The following SYT14 variants were observed in gnomAD, a reference collection of about 807,000 sequenced individuals.
The protein encoded by SYT14 is synaptotagmin 14.
SYT14 carries 32 observed loss-of-function variants against 74.2 expected under a neutral mutation model. The observed-to-expected ratio is 0.43, with a 90% CI of 0.33 to 0.58. The LOEUF is 0.58. SYT14 is among the 20% of genes least tolerant of loss of function. The pLI is 0.05. For synonymous variants in SYT14, 298 were observed against 337.7 expected, an observed-to-expected ratio of 0.88 and a Z score of 1.29; for missense variants, 791 against 981.8, an observed-to-expected ratio of 0.81 and a Z score of 2.60.
intron 2 of SYT14, among the ~76,000 whole-genome samples, chr1:210,001,992 T>A (rs1221792244): frequency 6.6e-6 from 1 of 152,106 alleles, no homozygotes; most frequent in Non-Finnish European, 1.5e-5. Flanking sequence ...CTGATTTACA[T>A]TTTGAAGGGC....
intron 5 of SYT14, among the ~76,000 whole-genome samples, chr1:210,022,335 A>G (rs981421839): frequency 1.3e-5 from 2 of 152,260 alleles, no homozygotes; most frequent in Non-Finnish European, 2.9e-5. Context: ...CTGAATGATT[A>G]CTATATGGTC....
At chr1:210,009,608 T>G (rs1476745377) in intron 2 of SYT14, among the ~76,000 whole-genome samples, 1 of 152,132 alleles carries the variant, frequency 6.6e-6, no homozygotes, top group Non-Finnish European at 1.5e-5. Context: ...ATTTGCCAGC[T>G]TGGTATTATT....
chr1:210,149,563 T>C (rs1352713110), intron 7 of SYT14, among the ~76,000 whole-genome samples: 1 of 152,144 alleles, frequency 6.6e-6, no homozygotes, highest in African/African-American at 2.4e-5. Context: ...TTATTATGGT[T>C]ATTTATGTGA....
chr1:210,117,591 G>A (rs2082385220), intron 7 of SYT14, among the ~76,000 whole-genome samples: 1 of 152,094 alleles, frequency 6.6e-6, no homozygotes. Context: ...AAAACTTAAT[G>A]ATTATAGACC....
chr1:210,112,701 C>T (rs1463405483), intron 7 of SYT14, among the ~76,000 whole-genome samples: 1 of 151,290 alleles, frequency 6.6e-6, no homozygotes, highest in African/African-American at 2.5e-5. Context: ...CTCCAGCTTC[C>T]TTTGGAAGTA....
chr1:210,056,011 C>T (rs1163374626), intron 5 of SYT14, among the ~76,000 whole-genome samples: 3 of 152,032 alleles, frequency 2.0e-5, no homozygotes, highest in African/African-American at 7.2e-5. Context: ...TTGCCTAAGA[C>T]TAATCCTCAT....
At chr1:209,952,420 G>T (rs1163785774) in intron 1 of SYT14, among the ~76,000 whole-genome samples, 1 of 152,156 alleles carries the variant, frequency 6.6e-6, no homozygotes, top group Non-Finnish European at 1.5e-5. Context: ...GATGTGAAGA[G>T]ATGCTTGGGA....
intron 5 of SYT14, among the ~76,000 whole-genome samples, chr1:210,052,665 C>CAAAAAAAAAAAAAA (rs561069342): frequency 0.12 from 4,872 of 41,986 alleles, 974 homozygotes; most frequent in Non-Finnish European, 0.16. Flanking sequence ...TACATCTCAC[C>CAAAAAAAAAAAAAA]AAAAAAAAAA....
chr1:209,943,162 C>T (rs1043995784), intron 1 of SYT14, among the ~76,000 whole-genome samples: 7 of 152,026 alleles, frequency 4.6e-5, no homozygotes, highest in African/African-American at 1.2e-4. Flanking sequence ...CTTTTCTAAC[C>T]GACTACACAA....
intron 2 of SYT14, chr1:209,952,989 G>A (rs2078936042): frequency 7.1e-7 from 1 of 1,400,962 alleles, no homozygotes; most frequent in Non-Finnish European, 9.6e-7. Flanking sequence ...CTGGTTTCTA[G>A]CATATTGGTT....
chr1:210,129,232 G>C (rs2082627854), intron 7 of SYT14, among the ~76,000 whole-genome samples: 1 of 152,208 alleles, frequency 6.6e-6, no homozygotes, highest in Non-Finnish European at 1.5e-5. Flanking sequence ...AAGACCTAGA[G>C]AGTAGGCCTT....
chr1:210,009,856 C>G (rs116591624), intron 2 of SYT14, among the ~76,000 whole-genome samples: 103 of 152,266 alleles, frequency 6.8e-4, no homozygotes, highest in African/African-American at 2.3e-3. Flanking sequence ...TCATATCCTT[C>G]ATTTTGGTTA....
At chr1:210,062,716 A>T (rs1197479322) in intron 5 of SYT14, among the ~76,000 whole-genome samples, 1 of 151,900 alleles carries the variant, frequency 6.6e-6, no homozygotes, top group Admixed American at 6.6e-5. Flanking sequence ...AGTTCATTCT[A>T]ACTACAATCT....
chr1:209,991,925 A>G (rs551908949), intron 2 of SYT14, among the ~76,000 whole-genome samples: 9 of 152,304 alleles, frequency 5.9e-5, no homozygotes, highest in African/African-American at 2.2e-4. Flanking sequence ...TTGTTAAGCC[A>G]CTGTAGAAAG....
intron 7 of SYT14, among the ~76,000 whole-genome samples, chr1:210,136,976 C>A (rs2082799951): frequency 6.6e-6 from 1 of 152,112 alleles, no homozygotes; most frequent in Admixed American, 6.6e-5. Flanking sequence ...AGATGATTAG[C>A]AGTTGAAACA....
chr1:210,060,448 A>G (rs892255129), intron 5 of SYT14, among the ~76,000 whole-genome samples: 5 of 152,102 alleles, frequency 3.3e-5, no homozygotes, highest in East Asian at 1.9e-4. Flanking sequence ...TTATATAGCT[A>G]CTTTTCTAAA....
exon 3 of SYT14, chr1:210,013,769 T>C (rs2080132506): frequency 6.2e-7 from 1 of 1,611,652 alleles, no homozygotes; most frequent in Non-Finnish European, 8.5e-7. Context: ...CAGAATACAG[T>C]ACAAGGAAGA....
At chr1:210,163,267 T>C (rs973927439) in exon 10 of SYT14, 3 of 453,748 alleles carry the variant, frequency 6.6e-6, no homozygotes, top group Admixed American at 2.4e-5. Context: ...ATCTACCTTT[T>C]TTCAGACTAT....
chr1:210,043,429 T>C (rs1196065631), intron 5 of SYT14, among the ~76,000 whole-genome samples: 1 of 107,008 alleles, frequency 9.3e-6, no homozygotes, highest in African/African-American at 5.9e-5. Context: ...AATCTTTGTT[T>C]TACTGAAAAA....
Sources: gnomAD v4.1 joint callset for allele counts (sites outside exome capture counted in the v4.1 genomes callset) on GRCh38, gnomAD v4.1.1 for gene constraint, MANE v1.5 for transcripts, NCBI Gene and HGNC (gene_info 2026-07-23, HGNC 2026-07-21) for gene names.